The following SEMA6D variants were observed in gnomAD, a reference collection of about 807,000 sequenced individuals.
SEMA6D encodes the protein semaphorin-6D.
SEMA6D carries 35 observed loss-of-function variants against 106.6 expected under a neutral mutation model. The observed-to-expected ratio is 0.33, with a 90% CI of 0.25 to 0.44. The LOEUF is 0.44. Ranked by LOEUF, SEMA6D falls within the 20% of genes least tolerant of loss-of-function variation. The pLI, the probability that SEMA6D is intolerant of heterozygous loss-of-function variation, is 1.00. For synonymous variants in SEMA6D, 499 were observed against 487.7 expected, an observed-to-expected ratio of 1.02 and a Z score of -0.31; for missense variants, 1,185 against 1,345.9, an observed-to-expected ratio of 0.88 and a Z score of 1.87.
At chr15:47,318,407 T>TCCCTCCC (rs1405657135) in intron 1 of SEMA6D, among the ~76,000 whole-genome samples, 2 of 110,864 alleles carry the variant, frequency 1.8e-5, no homozygotes, top group Non-Finnish European at 3.7e-5. Context: ...CCCAGTGCTA[T>TCCCTCCC]CCCTCCCCCC....
chr15:47,246,749 T>C (rs1354898407), intron 1 of SEMA6D, among the ~76,000 whole-genome samples: 2 of 152,214 alleles, frequency 1.3e-5, no homozygotes, highest in Non-Finnish European at 2.9e-5. Flanking sequence ...CCTAACTCAA[T>C]GTCCTTAACT....
At chr15:47,304,077 T>G (rs2036129261) in intron 1 of SEMA6D, among the ~76,000 whole-genome samples, 1 of 152,166 alleles carries the variant, frequency 6.6e-6, no homozygotes, top group South Asian at 2.1e-4. Context: ...TAGCATGAGT[T>G]TTATACCATT....
At chr15:47,649,823 G>A (rs1163661431) in intron 4 of SEMA6D, among the ~76,000 whole-genome samples, 5 of 152,200 alleles carry the variant, frequency 3.3e-5, no homozygotes, top group African/African-American at 9.7e-5. Flanking sequence ...AGCTCGTGGA[G>A]GCAGTTTCCA....
intron 1 of SEMA6D, among the ~76,000 whole-genome samples, chr15:47,319,382 A>T (rs1296435780): frequency 1.3e-5 from 2 of 152,088 alleles, no homozygotes; most frequent in African/African-American, 4.8e-5. Context: ...ATAGCTGGAC[A>T]TTTTGGACTT....
At chr15:47,708,257 C>T (rs2078951073) in intron 4 of SEMA6D, among the ~76,000 whole-genome samples, 1 of 152,206 alleles carries the variant, frequency 6.6e-6, no homozygotes. Context: ...GTACAATGAT[C>T]TCATCCTGTC....
At chr15:47,302,793 A>G (rs2036074005) in intron 1 of SEMA6D, among the ~76,000 whole-genome samples, 2 of 152,216 alleles carry the variant, frequency 1.3e-5, no homozygotes, top group Non-Finnish European at 2.9e-5. Context: ...TCCTACAGAA[A>G]GTAATGTGGC....
chr15:47,457,896 G>A (rs545866718), intron 2 of SEMA6D, among the ~76,000 whole-genome samples: 4 of 151,270 alleles, frequency 2.6e-5, no homozygotes, highest in East Asian at 3.9e-4. Flanking sequence ...CTTAAAAGTA[G>A]CCAAAAGAAA....
intron 3 of SEMA6D, among the ~76,000 whole-genome samples, chr15:47,478,453 C>T (rs1247398366): frequency 6.6e-6 from 1 of 152,188 alleles, no homozygotes; most frequent in Non-Finnish European, 1.5e-5. Context: ...AAGTTCTTGT[C>T]TGCGTGGTTC....
chr15:47,300,855 A>G (rs1159488927), intron 1 of SEMA6D, among the ~76,000 whole-genome samples: 1 of 152,216 alleles, frequency 6.6e-6, no homozygotes, highest in East Asian at 1.9e-4. Flanking sequence ...TCAGTCCATG[A>G]TGCTGCATCT....
intron 18 of SEMA6D, 93 bp from the exon 19 acceptor site, chr15:47,770,404 A>G (rs759134841): frequency 2.0e-5 from 21 of 1,055,202 alleles, no homozygotes; most frequent in Non-Finnish European, 2.8e-5. Flanking sequence ...TATGAACCAT[A>G]TGAAGGTCGT....
At chr15:47,228,163 C>CACACACACACACACACAT (rs374770930) in intron 1 of SEMA6D, among the ~76,000 whole-genome samples, 1 of 136,810 alleles carries the variant, frequency 7.3e-6, no homozygotes, top group Non-Finnish European at 1.5e-5. Context: ...CACACACACA[C>CACACACACACACACACAT]ATATATATAT....
chr15:47,496,663 T>C (rs1429075595), intron 3 of SEMA6D, among the ~76,000 whole-genome samples: 1 of 152,130 alleles, frequency 6.6e-6, no homozygotes. Context: ...CAACATTTTC[T>C]CCAGTACTTG....
chr15:47,598,636 G>T (rs1244017089), intron 3 of SEMA6D, among the ~76,000 whole-genome samples: 1 of 151,994 alleles, frequency 6.6e-6, no homozygotes, highest in African/African-American at 2.4e-5. Flanking sequence ...AAAAAGCTTG[G>T]GCTACATTTT....
intron 3 of SEMA6D, among the ~76,000 whole-genome samples, chr15:47,528,548 G>A (rs949352023): frequency 6.6e-6 from 1 of 152,102 alleles, no homozygotes; most frequent in Non-Finnish European, 1.5e-5. Flanking sequence ...AGCCTCATAC[G>A]TAATTGTGGA....
intron 3 of SEMA6D, among the ~76,000 whole-genome samples, chr15:47,507,204 TAAAAC>T (rs1365779033): frequency 2.6e-5 from 4 of 151,990 alleles, no homozygotes; most frequent in African/African-American, 9.7e-5. Flanking sequence ...AATAGGGAAA[TAAAAC>T]AGAATGGAGA....
chr15:47,722,502 G>A (rs559266908), intron 1 of SEMA6D, among the ~76,000 whole-genome samples: 4 of 151,888 alleles, frequency 2.6e-5, no homozygotes, highest in African/African-American at 9.7e-5. Context: ...TAAGATATCT[G>A]TTATAGTAGC....
At chr15:47,386,917 A>G (rs976757664) in intron 1 of SEMA6D, among the ~76,000 whole-genome samples, 1 of 152,222 alleles carries the variant, frequency 6.6e-6, no homozygotes, top group East Asian at 1.9e-4. Context: ...CAATAGGGGT[A>G]AGGGATGGCA....
At chr15:47,630,524 A>G (rs920078977) in intron 4 of SEMA6D, among the ~76,000 whole-genome samples, 1 of 151,732 alleles carries the variant, frequency 6.6e-6, no homozygotes, top group African/African-American at 2.4e-5. Context: ...TATGAAGACA[A>G]TTACATCATC....
intron 2 of SEMA6D, among the ~76,000 whole-genome samples, chr15:47,439,699 A>G (rs1174354870): frequency 6.6e-6 from 1 of 152,170 alleles, no homozygotes; most frequent in South Asian, 2.1e-4. Context: ...TGAACACTTT[A>G]TACCTAATTT....
Sources: allele counts gnomAD v4.1 joint callset (sites outside exome capture counted in the v4.1 genomes callset), GRCh38; gene constraint gnomAD v4.1.1; transcripts MANE v1.5; gene names NCBI Gene and HGNC (gene_info 2026-07-23, HGNC 2026-07-21).